ADGRL2: variants seen among roughly 807,000 people sequenced by gnomAD.
ADGRL2 encodes the protein calcium-independent alpha-latrotoxin receptor 2.
A neutral mutation model predicts 157.4 loss-of-function variants in ADGRL2; 44 were observed. The observed-to-expected ratio is 0.28, with a 90% CI of 0.22 to 0.36. The LOEUF (loss-of-function observed/expected upper bound fraction) is 0.36, where lower values mean the gene tolerates loss of function less well. Among genes scored for constraint, ADGRL2 ranks in the 10% least tolerant of loss-of-function variants. The pLI, the probability that ADGRL2 is intolerant of heterozygous loss-of-function variation, is 1.00. For synonymous variants in ADGRL2, 585 were observed against 624.7 expected (o/e 0.94, Z 0.95); for missense variants, 1,510 against 1,768.9 (o/e 0.85, Z 2.63).
chr1:81,742,946 C>G (rs1557612177), intron 1 of ADGRL2, among the ~76,000 whole-genome samples: 1 of 151,956 alleles, frequency 6.6e-6, no homozygotes, highest in Non-Finnish European at 1.5e-5. Context: ...AGTACTAACA[C>G]TTATCTCTTC....
chr1:81,748,217 G>A (rs771933913), intron 1 of ADGRL2, among the ~76,000 whole-genome samples: 4 of 152,032 alleles, frequency 2.6e-5, no homozygotes, highest in South Asian at 2.1e-4. Context: ...GGTGGCTCAC[G>A]CCTGTAATCC....
intron 3 of ADGRL2, among the ~76,000 whole-genome samples, chr1:81,908,161 T>G (rs1426925073): frequency 6.6e-6 from 1 of 152,226 alleles, no homozygotes; most frequent in Non-Finnish European, 1.5e-5. Flanking sequence ...ATAGTCTAAG[T>G]GTGTAGTAGG....
chr1:81,986,881 G>GTTT lies in ADGRL2; in HGVS notation c.3509-10_3509-8dup. ...ATGTACTTTTCTCTGTTTTTTTGTTGTTTTTTTTTTTTACTTTAGGAATGA... is the reference window on the plus strand; with the variant it reads ...ATGTACTTTTCTCTGTTTTTTTGTTGTTTTTTTTTTTTTTTACTTTAGGAATGA... On this transcript the variant is annotated intron_variant, in intron 21 of 23. Transcript: ENST00000686636. The GTTT allele has an allele frequency of 2.5e-6, 3 of 1,195,794 alleles. No homozygotes were observed. Among genetic ancestry groups the GTTT allele is most frequent in the Non-Finnish European group, 3.5e-6 (3 of 865,002 alleles). The allele number at this position is 1,195,794 out of a possible 1,614,324, so 74.1% of individuals were successfully genotyped here.
chr1:81,821,549 T>TG (rs964567888), intron 1 of ADGRL2, among the ~76,000 whole-genome samples: 12 of 152,300 alleles, frequency 7.9e-5, no homozygotes, highest in African/African-American at 2.6e-4. Flanking sequence ...AATATCATTG[T>TG]GTTCTTGCAT....
At chr1:81,719,834 C>T (rs181375872) in intron 1 of ADGRL2, among the ~76,000 whole-genome samples, 1 of 152,046 alleles carries the variant, frequency 6.6e-6, no homozygotes, top group Admixed American at 6.6e-5. Flanking sequence ...TTGAACATCT[C>T]CTGCTGATTC....
intron 1 of ADGRL2, among the ~76,000 whole-genome samples, chr1:81,758,883 C>A (rs1162923979): frequency 6.6e-6 from 1 of 152,042 alleles, no homozygotes; most frequent in Non-Finnish European, 1.5e-5. Flanking sequence ...CATAAAGAGA[C>A]CTTCAAATAT....
At chr1:81,369,204 G>A (rs1270170673) in intron 1 of ADGRL2, among the ~76,000 whole-genome samples, 1 of 151,998 alleles carries the variant, frequency 6.6e-6, no homozygotes, top group Non-Finnish European at 1.5e-5. Context: ...GAGAGATAGT[G>A]ATACATAGAG....
intron 2 of ADGRL2, among the ~76,000 whole-genome samples, chr1:81,456,188 G>A (rs1159763889): frequency 6.6e-6 from 1 of 151,962 alleles, no homozygotes; most frequent in Admixed American, 6.6e-5. Context: ...TTAAGGAAAT[G>A]GCAAATGCTT....
At chr1:81,532,972 C>CT (rs200154872) in intron 2 of ADGRL2, among the ~76,000 whole-genome samples, 2,779 of 137,532 alleles carry the variant, frequency 0.02, 104 homozygotes, top group African/African-American at 0.071. Flanking sequence ...ATCTATCTAT[C>CT]ATCTATCTAT....
At chr1:81,705,092 G>T (rs377764521) in intron 1 of ADGRL2, among the ~76,000 whole-genome samples, 1 of 151,894 alleles carries the variant, frequency 6.6e-6, no homozygotes, top group Admixed American at 6.6e-5. Flanking sequence ...CCGCTCTGTC[G>T]CCCAGGCTGG....
intron 3 of ADGRL2, among the ~76,000 whole-genome samples, chr1:81,674,595 G>C (rs2148929211): frequency 6.6e-6 from 1 of 152,334 alleles, no homozygotes; most frequent in South Asian, 2.1e-4. Context: ...AAGTTTGAGA[G>C]AAAATCAAAG....
At chr1:81,493,844 C>T (rs1260683305) in intron 2 of ADGRL2, among the ~76,000 whole-genome samples, 1 of 152,126 alleles carries the variant, frequency 6.6e-6, no homozygotes, top group African/African-American at 2.4e-5. Context: ...ACGCTATACA[C>T]TTATTCAAAA....
At chr1:81,408,277 T>C (rs1357103290) in intron 1 of ADGRL2, among the ~76,000 whole-genome samples, 1 of 152,102 alleles carries the variant, frequency 6.6e-6, no homozygotes, top group Non-Finnish European at 1.5e-5. Flanking sequence ...AGCAAAAACA[T>C]AAGCAATCTC....
chr1:81,359,796 A>G (rs1210786137), intron 1 of ADGRL2, among the ~76,000 whole-genome samples: 1 of 151,936 alleles, frequency 6.6e-6, no homozygotes, highest in Non-Finnish European at 1.5e-5. Flanking sequence ...TTCCACATTC[A>G]GTGAAAGAAA....
intron 1 of ADGRL2, among the ~76,000 whole-genome samples, chr1:81,316,094 AT>A (rs1660087293): frequency 6.6e-6 from 1 of 151,634 alleles, no homozygotes. Flanking sequence ...TATTTGTTGT[AT>A]TGGCATCTTA....
chr1:81,504,160 C>T (rs982454174), intron 2 of ADGRL2, among the ~76,000 whole-genome samples: 2 of 152,206 alleles, frequency 1.3e-5, no homozygotes, highest in African/African-American at 4.8e-5. Context: ...GCTGCCCAGC[C>T]CTGGCACCTG....
At chr1:81,720,540 C>T (rs1377561001) in intron 1 of ADGRL2, among the ~76,000 whole-genome samples, 1 of 151,982 alleles carries the variant, frequency 6.6e-6, no homozygotes, top group Non-Finnish European at 1.5e-5. Context: ...TTTTTTTAAA[C>T]TGTTTCTTCT....
In ADGRL2 at chr1:81,874,192, A is replaced by C. The variant is rs1017263245; in HGVS notation, c.74-32825A>C. On this transcript the variant is annotated intron_variant, in intron 2 of 23. Coordinates refer to ENST00000686636, the MANE Select transcript of ADGRL2 (RefSeq NM_001366006.2). Reference sequence around the variant, plus strand: ...TCAGTCTTCATGGCTCCCTTTGGAAACAACTTAATTATGTGAAATTGTCAT... The same window carrying C: ...TCAGTCTTCATGGCTCCCTTTGGAACCAACTTAATTATGTGAAATTGTCAT... 4.6e-5 allele frequency among the ~76,000 whole-genome samples: 7 copies of C among 152,136 alleles called. No individual in the cohort carries two copies. The East Asian group carries it at 1.3e-3, about 29-fold the overall frequency.
chr1:81,919,665 A>G (rs910665973), intron 3 of ADGRL2, among the ~76,000 whole-genome samples: 1 of 151,812 alleles, frequency 6.6e-6, no homozygotes, highest in Non-Finnish European at 1.5e-5. Flanking sequence ...CATACATTTG[A>G]TTATCTTATG....
Sources: allele counts gnomAD v4.1 joint callset (sites outside exome capture counted in the v4.1 genomes callset), GRCh38; gene constraint gnomAD v4.1.1; transcripts MANE v1.5; gene names NCBI Gene and HGNC (gene_info 2026-07-23, HGNC 2026-07-21).